SRPK1: variants seen among roughly 807,000 people sequenced by gnomAD.
The protein encoded by SRPK1 is SFRS protein kinase 1.
Under a neutral mutation model 89.5 loss-of-function variants are expected in SRPK1, and 52 were observed. That is an observed-to-expected ratio of 0.58 (90% CI 0.46 to 0.73). SRPK1 has a LOEUF of 0.73. Among genes scored for constraint, SRPK1 ranks in the 30% least tolerant of loss-of-function variants. SRPK1 has a pLI of 0.00. For synonymous variants in SRPK1, 255 were observed against 270.2 expected (o/e 0.94, Z 0.55); for missense variants, 603 against 780.6 (o/e 0.77, Z 2.71).
intron 6 of SRPK1, among the ~76,000 whole-genome samples, chr6:35,879,656 C>T (rs1770231715): frequency 6.6e-6 from 1 of 152,124 alleles, no homozygotes; most frequent in East Asian, 1.9e-4. Flanking sequence ...AAGAAAATCA[C>T]AAGGCATATG....
chr6:35,909,949 C>T (rs1770926073), intron 2 of SRPK1, among the ~76,000 whole-genome samples: 1 of 152,098 alleles, frequency 6.6e-6, no homozygotes, highest in African/African-American at 2.4e-5. Flanking sequence ...ATATTCTTTA[C>T]AGCAGTGTGA....
chr6:35,909,055 C>T (rs1276341833), intron 2 of SRPK1, among the ~76,000 whole-genome samples: 1 of 152,216 alleles, frequency 6.6e-6, no homozygotes, highest in Non-Finnish European at 1.5e-5. Context: ...GGCTGGGGCC[C>T]CCACACAGAG....
rs977028271 is a variant in SRPK1 at position 35,834,792 on chromosome 6, G to A, written c.*512C>T. On this transcript the variant is annotated 3_prime_UTR_variant, in exon 16 of 16. Coordinates refer to ENST00000373825, the MANE Select transcript of SRPK1 (RefSeq NM_003137.5). ...GCTTAAAAGTTGCAGGAAAAAATGT[G>A]AACACAGAGAACAACAGAAACAGTC... The A allele has an allele frequency of 6.6e-6, 1 of 152,152 alleles. No individual in the cohort carries two copies. Among genetic ancestry groups the A allele is most frequent in the African/African-American group, 2.4e-5 (1 of 41,408 alleles). The allele number at this position is 152,152 out of a possible 1,614,324, so 9.4% of individuals were successfully genotyped here. A position where few individuals can be genotyped will look rare whatever the true frequency, so the allele number is the denominator to read the frequency against.
In SRPK1 at chr6:35,891,029, A is replaced by G; in HGVS notation, c.75-16T>C. On this transcript the variant is annotated splice_polypyrimidine_tract_variant and intron_variant, in intron 2 of 15. Coordinates refer to ENST00000373825, the MANE Select transcript of SRPK1 (RefSeq NM_003137.5). ...AGTTTCAGATCTAAGAAATGATACA[A>G]AAATGCCCATTCCATTTGGACAGAA... is the stretch of plus-strand genomic sequence containing the variant. 6.5e-7 allele frequency: 1 copy of G among 1,544,752 alleles called. No homozygotes were observed. The highest frequency in any genetic ancestry group is 1.2e-5 in the South Asian group (1 of 82,824).
intron 2 of SRPK1, among the ~76,000 whole-genome samples, chr6:35,908,454 T>C (rs1028775282): frequency 5.3e-5 from 8 of 152,214 alleles, no homozygotes; most frequent in Admixed American, 2.0e-4. Flanking sequence ...ATTCTGCCCC[T>C]GCCCTAGAGA....
chr6:35,891,089 C>A lies in SRPK1; in HGVS notation c.75-76G>T, dbSNP rs778097710. On this transcript the variant is annotated intron_variant, in intron 2 of 15. Transcript: ENST00000373825. ...ACATTATCAAATGCTGCCCTCCCCA[C>A]AAAAAACTAAACTTTCAGATAATAT... The A allele has an allele frequency of 6.1e-6, 9 of 1,467,754 alleles. No homozygotes were observed. In the Admixed American group the frequency reaches 2.3e-4, roughly 38 times the overall value. 90.9% of individuals were successfully genotyped at this position (1,467,754 alleles called of 1,614,324 possible).
At chr6:35,866,067 G>A (rs1226407553) in intron 12 of SRPK1, among the ~76,000 whole-genome samples, 1 of 151,320 alleles carries the variant, frequency 6.6e-6, no homozygotes, top group Non-Finnish European at 1.5e-5. Flanking sequence ...ACACGAATAG[G>A]GATTTTTCAA....
intron 15 of SRPK1, among the ~76,000 whole-genome samples, chr6:35,837,911 C>T (rs953611607): frequency 6.6e-6 from 1 of 151,280 alleles, no homozygotes. Flanking sequence ...TCTTGTTGCC[C>T]AGGCTGGAGG....
chr6:35,913,885 T>C (rs1771031265), intron 2 of SRPK1, among the ~76,000 whole-genome samples: 1 of 150,506 alleles, frequency 6.6e-6, no homozygotes, highest in Non-Finnish European at 1.5e-5. Flanking sequence ...TCAATTTATG[T>C]AAAAAGCACA....
intron 2 of SRPK1, among the ~76,000 whole-genome samples, chr6:35,914,628 C>T (rs1241582278): frequency 6.6e-6 from 1 of 152,060 alleles, no homozygotes; most frequent in Non-Finnish European, 1.5e-5. Flanking sequence ...ATTTAATTTA[C>T]TTATTTATGT....
At chr6:35,888,994 A>T in intron 3 of SRPK1, 71 bp from the exon 4 acceptor site, 3 of 1,027,934 alleles carry the variant, frequency 2.9e-6, no homozygotes, top group Non-Finnish European at 4.6e-6. Flanking sequence ...GGCATTTTTA[A>T]CATCACATTT....
At chr6:35,886,973 T>C (rs1335819142) in intron 5 of SRPK1, among the ~76,000 whole-genome samples, 162 bp from the exon 6 acceptor site, 1 of 152,202 alleles carries the variant, frequency 6.6e-6, no homozygotes, top group Non-Finnish European at 1.5e-5. Context: ...AGAAAAATCT[T>C]AAATAGTCAA....
At chr6:35,880,408 C>T (rs1231200497) in intron 6 of SRPK1, among the ~76,000 whole-genome samples, 1 of 151,846 alleles carries the variant, frequency 6.6e-6, no homozygotes, top group Non-Finnish European at 1.5e-5. Flanking sequence ...CAAATATACA[C>T]TGTGGCAGTC....
In SRPK1 at chr6:35,869,719, T is replaced by C; in HGVS notation, c.1174A>G (p.Asn392Asp). Residue 392 changes from asparagine to aspartate, a missense_variant, in exon 11 of 16, where the codon AAT (asparagine) becomes GAT (aspartate). By Grantham distance (23) the Asn-to-Asp change is conservative. Coordinates refer to ENST00000373825, the MANE Select transcript of SRPK1 (RefSeq NM_003137.5). ...NANDCDVQNL[N>D]QESSFLSSQN... ...GAGCTTAGGAAACTAGATTCCTGAT[T>C]CAAATTTTGGACATCACAGTCATTA... 6.2e-7 allele frequency: 1 copy of C among 1,613,922 alleles called. No homozygotes were observed. The highest frequency in any genetic ancestry group is 8.5e-7 in the Non-Finnish European group (1 of 1,179,806).
intron 15 of SRPK1, among the ~76,000 whole-genome samples, chr6:35,837,730 T>A (rs9462129): frequency 0.34 from 51,341 of 151,406 alleles, 8,901 homozygotes; most frequent in South Asian, 0.45. Flanking sequence ...TAATTAAAAA[T>A]TTTTTTTTGT....
intron 14 of SRPK1, among the ~76,000 whole-genome samples, chr6:35,839,928 T>C (rs891882946): frequency 3.9e-5 from 6 of 152,028 alleles, no homozygotes; most frequent in African/African-American, 1.4e-4. Flanking sequence ...ATCTGCCGCC[T>C]TGGCCTCCCA....
rs1043279342 is a variant in SRPK1, at chr6:35,833,699, T to C, written c.*1605A>G. The C allele has an allele frequency of 4.6e-5, 7 of 152,768 alleles. 1 individual carries two copies. The East Asian group carries it at 5.8e-4, about 13-fold the overall frequency. 9.5% of individuals were successfully genotyped at this position (152,768 alleles called of 1,614,324 possible). On this transcript the variant is annotated 3_prime_UTR_variant, in exon 16 of 16. Transcript: ENST00000373825. Reference sequence around the variant, plus strand: ...GTAATATGTTTATGAGTTAAATGGATTGCATAACGGCACCACTTTTCCTTT... The same window carrying C: ...GTAATATGTTTATGAGTTAAATGGACTGCATAACGGCACCACTTTTCCTTT...
At chr6:35,844,409 C>A (rs1769384699) in intron 13 of SRPK1, among the ~76,000 whole-genome samples, 1 of 152,140 alleles carries the variant, frequency 6.6e-6, no homozygotes, top group Non-Finnish European at 1.5e-5. Flanking sequence ...GCAGTCCAAA[C>A]AACCTCAAGA....
intron 15 of SRPK1, among the ~76,000 whole-genome samples, chr6:35,837,657 G>C (rs1200437514): frequency 1.3e-5 from 2 of 151,984 alleles, no homozygotes; most frequent in Non-Finnish European, 2.9e-5. Context: ...CCAGGCTCAA[G>C]TGATCCTCCC....
Sources: gnomAD v4.1 joint callset for allele counts (sites outside exome capture counted in the v4.1 genomes callset) on GRCh38, gnomAD v4.1.1 for gene constraint, MANE v1.5 for transcripts, NCBI Gene and HGNC (gene_info 2026-07-23, HGNC 2026-07-21) for gene names.